The following UBE3C variants were observed in gnomAD, a reference collection of about 807,000 sequenced individuals.
UBE3C encodes the protein ubiquitin protein ligase E3C, also known as ubiquitin-protein ligase E3C.
In UBE3C, 42 loss-of-function variants were observed where a neutral mutation model predicts 129.4. The ratio of observed to expected loss-of-function variants is 0.32; its 90% confidence interval spans 0.25 to 0.42. The LOEUF (loss-of-function observed/expected upper bound fraction) is 0.42. Among genes scored for constraint, UBE3C ranks in the 10% least tolerant of loss-of-function variants. The pLI is 1.00. For missense variants in UBE3C, 1,049 were observed against 1,319.1 expected, an observed-to-expected ratio of 0.80 and a Z score of 3.17; for synonymous variants, 510 against 492.4, an observed-to-expected ratio of 1.04 and a Z score of -0.47.
intron 22 of UBE3C, among the ~76,000 whole-genome samples, chr7:157,258,244 GCCC>G (rs1259799342): frequency 2.6e-5 from 4 of 152,056 alleles, no homozygotes; most frequent in Non-Finnish European, 5.9e-5. Flanking sequence ...ACCACACCAT[GCCC>G]AGCTGGCATT....
chr7:157,168,979 T>G (rs1808293611), intron 2 of UBE3C, 69 bp from the exon 3 acceptor site: 1 of 1,306,254 alleles, frequency 7.7e-7, no homozygotes, highest in African/African-American at 1.5e-5. Context: ...TTTAAAGTCT[T>G]TACTAGCAAA....
At position 157,230,739 on chromosome 7, in the gene UBE3C, G is replaced by C. The variant is rs560378171; in HGVS notation, c.2234-341G>C. On this transcript the variant is annotated intron_variant, in intron 17 of 22. Transcript: ENST00000348165. ...ACCTCCTAATGTTTTAAGAATTTAG[G>C]TATCTGTATTGGGCCGCATTCAAAG... Among the ~76,000 whole-genome samples the C allele has an allele frequency of 1.7e-4, 26 of 150,204 alleles. 1 individual carries two copies. In the South Asian group the frequency reaches 5.5e-3, roughly 32 times the overall value.
intron 2 of UBE3C, among the ~76,000 whole-genome samples, chr7:157,167,634 T>A (rs1808254308): frequency 6.6e-6 from 1 of 151,828 alleles, no homozygotes; most frequent in Non-Finnish European, 1.5e-5. Context: ...ACCTCCCGGG[T>A]TCACGCCATT....
At chr7:157,184,235 A>G (rs944503195) in intron 9 of UBE3C, among the ~76,000 whole-genome samples, 3 of 152,216 alleles carry the variant, frequency 2.0e-5, no homozygotes, top group African/African-American at 7.2e-5. Context: ...GGAAGTGTAA[A>G]TGGAGACACA....
chr7:157,207,712 A>G lies in UBE3C; in HGVS notation c.1586A>G (p.Gln529Arg). The G allele has an allele frequency of 6.2e-7, 1 of 1,613,186 alleles. No homozygotes were observed. Among genetic ancestry groups the G allele is most frequent in the Non-Finnish European group, 8.5e-7 (1 of 1,179,810 alleles). ...GGATTGTGTTTTTTAGTTGTAGGTC[A>G]AAGACAATCATCAATGATGCCTTTT... ...FFGDPIEVVG[Q>R]RQSSMMPFTL... Residue 529 changes from glutamine (Q) to arginine (R), a missense_variant, in exon 13 of 23, where the codon CAA (glutamine) becomes CGA (arginine). Coordinates refer to ENST00000348165, the MANE Select transcript of UBE3C (RefSeq NM_014671.3).
chr7:157,244,963 AAAAT>A (rs1208862102), intron 18 of UBE3C, among the ~76,000 whole-genome samples: 2 of 152,250 alleles, frequency 1.3e-5, no homozygotes, highest in African/African-American at 4.8e-5. Context: ...TTTTGCATAA[AAAAT>A]AGGCAGTTTT....
rs1373079695 is a variant in UBE3C, at chr7:157,178,841, C to T, written c.610C>T (p.His204Tyr). 1 of 1,614,028 alleles carries T rather than the reference C, an allele frequency of 6.2e-7. No homozygotes were observed. ...VIEQILHYMIHNGYYRSLYLL... is the reference protein window; with the variant it reads ...VIEQILHYMIYNGYYRSLYLL... Reference sequence around the variant, plus strand: ...TGAACAAATTTTGCACTACATGATTCACAATGGTAAGTAGTAGGCAGGATC... The same window carrying T: ...TGAACAAATTTTGCACTACATGATTTACAATGGTAAGTAGTAGGCAGGATC... Residue 204 changes from histidine (H) to tyrosine (Y), a missense_variant, in exon 6 of 23, where the codon CAC becomes TAC. Transcript: ENST00000348165.
intron 6 of UBE3C, among the ~76,000 whole-genome samples, chr7:157,179,409 A>G (rs1233407862): frequency 6.6e-6 from 1 of 152,202 alleles, no homozygotes; most frequent in East Asian, 1.9e-4. Context: ...TAATGCTCCT[A>G]AAATGACTGC....
At chr7:157,177,016 A>G (rs530862789) in intron 5 of UBE3C, among the ~76,000 whole-genome samples, 30 of 152,312 alleles carry the variant, frequency 2.0e-4, no homozygotes, top group African/African-American at 6.3e-4. Context: ...GACTAATCAC[A>G]TACATATTTT....
At chr7:157,261,085 C>T (rs981420585) in intron 22 of UBE3C, among the ~76,000 whole-genome samples, 4 of 151,862 alleles carry the variant, frequency 2.6e-5, no homozygotes, top group Non-Finnish European at 5.9e-5. Flanking sequence ...GGTGGATCCC[C>T]TGAGGCCAGG....
intron 11 of UBE3C, among the ~76,000 whole-genome samples, chr7:157,203,698 A>T (rs918380354): frequency 6.6e-6 from 1 of 152,224 alleles, no homozygotes; most frequent in African/African-American, 2.4e-5. Flanking sequence ...GGGTAGTTTT[A>T]CAAATCTTAT....
intron 18 of UBE3C, among the ~76,000 whole-genome samples, chr7:157,244,126 A>T (rs2116670181): frequency 6.6e-6 from 1 of 152,280 alleles, no homozygotes; most frequent in South Asian, 2.1e-4. Flanking sequence ...GCTGCTCGCG[A>T]GGCTGAGGCA....
chr7:157,243,142 A>G (rs955318901), intron 18 of UBE3C, among the ~76,000 whole-genome samples: 1 of 152,066 alleles, frequency 6.6e-6, no homozygotes, highest in African/African-American at 2.4e-5. Context: ...GGAAAATAGG[A>G]CAGGAGATGT....
chr7:157,230,497 C>T (rs1275298609), intron 17 of UBE3C, among the ~76,000 whole-genome samples: 1 of 151,590 alleles, frequency 6.6e-6, no homozygotes, highest in African/African-American at 2.4e-5. Context: ...GAGTTCGAGA[C>T]CAGCCTGGCC....
intron 16 of UBE3C, among the ~76,000 whole-genome samples, chr7:157,224,430 G>A (rs149094145): frequency 0.011 from 1,653 of 152,108 alleles, 32 homozygotes; most frequent in South Asian, 0.048. Flanking sequence ...TCCTGACCTC[G>A]TGATCTGCCT....
chr7:157,179,265 A>G (rs1808607196), intron 6 of UBE3C, among the ~76,000 whole-genome samples: 1 of 152,012 alleles, frequency 6.6e-6, no homozygotes, highest in Non-Finnish European at 1.5e-5. Context: ...TCACTCCAAG[A>G]GCCTTATGAA....
In UBE3C at chr7:157,220,776, G is replaced by A. The variant is rs1795716489; in HGVS notation, c.2002G>A (p.Val668Met). ...AGGCCCGCTGCAGTCCACCCTGGAC[G>A]GTGAGTTCTCTAGGACACAGGGTTA... ...RIGPLQSTLD[V>M]GLESPPLSVS... Residue 668 changes from valine to methionine, a missense_variant and splice_region_variant, in exon 15 of 23, where the codon GTG becomes ATG. By Grantham distance (21) the Val-to-Met change is conservative. Transcript: ENST00000348165. The A allele has an allele frequency of 1.2e-6, 2 of 1,613,874 alleles. No individual in the cohort carries two copies. Among genetic ancestry groups the A allele is most frequent in the Non-Finnish European group, 8.5e-7 (1 of 1,179,926 alleles).
chr7:157,229,649 G>C (rs1342134731), intron 17 of UBE3C, among the ~76,000 whole-genome samples: 1 of 150,732 alleles, frequency 6.6e-6, no homozygotes, highest in Non-Finnish European at 1.5e-5. Context: ...TTATTTTAGA[G>C]ATGGGGGTCT....
At position 157,254,090 on chromosome 7, in the gene UBE3C, C is replaced by T. The variant is rs1796685131; in HGVS notation, c.2831C>T (p.Ala944Val). The change falls in exon 20 of 23, where the codon GCC (alanine) becomes GTC (valine). Residue 944 changes from alanine to valine, a missense_variant. By Grantham distance (64) the Ala-to-Val change is moderately conservative (BLOSUM62 0). This residue lies in a region of UBE3C where 243 missense variants were observed against 368.7 expected (regional missense o/e 0.66). Coordinates refer to ENST00000348165, the MANE Select transcript of UBE3C (RefSeq NM_014671.3). Reference protein sequence around the residue: ...QHCLAFRQGLANVVSLEWLRM... With the variant: ...QHCLAFRQGLVNVVSLEWLRM... The stretch of plus-strand genomic sequence containing the variant: ...TGCCTGGCTTTCCGCCAGGGCCTTG[C>T]CAATGTCGTCAGCCTCGAGTGGCTC... 6.2e-7 allele frequency: 1 copy of T among 1,613,012 alleles called. No homozygotes were observed. The highest frequency in any genetic ancestry group is 8.5e-7 in the Non-Finnish European group (1 of 1,179,676).
Sources: gnomAD v4.1 joint callset for allele counts (sites outside exome capture counted in the v4.1 genomes callset) on GRCh38, gnomAD v4.1.1 for gene constraint, gnomAD v4.1.1 regional missense constraint, MANE v1.5 for transcripts, NCBI Gene and HGNC (gene_info 2026-07-23, HGNC 2026-07-21) for gene names.